Variants in P3H2 observed in about 807,000 individuals in gnomAD.
P3H2 encodes prolyl 3-hydroxylase 2.
In P3H2, 80 loss-of-function variants were observed where a neutral mutation model predicts 87.0. The observed-to-expected ratio is 0.92, with a 90% CI of 0.77 to 1.11. The LOEUF (loss-of-function observed/expected upper bound fraction) is 1.11. Among genes scored for constraint, P3H2 ranks in the 50% least tolerant of loss-of-function variants. The pLI, the probability that P3H2 is intolerant of heterozygous loss-of-function variation, is 0.00. For missense variants in P3H2, 1,001 were observed against 923.9 expected (o/e 1.08, Z -1.08); for synonymous variants, 367 against 359.3 (o/e 1.02, Z -0.24).
At chr3:190,106,574 C>G (rs1711846606) in intron 1 of P3H2, among the ~76,000 whole-genome samples, 1 of 151,798 alleles carries the variant, frequency 6.6e-6, no homozygotes. Context: ...TCACAAGTAC[C>G]TTGTAAAATA....
At chr3:189,977,943 T>A (rs1331674054) in intron 8 of P3H2, among the ~76,000 whole-genome samples, 1 of 152,154 alleles carries the variant, frequency 6.6e-6, no homozygotes, top group Non-Finnish European at 1.5e-5. Flanking sequence ...CTAAACGTCT[T>A]AGCATAGAAC....
chr3:190,091,959 G>T (rs1184357948), intron 1 of P3H2, among the ~76,000 whole-genome samples: 1 of 152,158 alleles, frequency 6.6e-6, no homozygotes, highest in Non-Finnish European at 1.5e-5. Context: ...CCAGCCATGC[G>T]CAGTGGCTCA....
chr3:190,096,948 A>G (rs1050983254), intron 1 of P3H2, among the ~76,000 whole-genome samples: 3 of 152,240 alleles, frequency 2.0e-5, no homozygotes, highest in African/African-American at 4.8e-5. Context: ...TTGTGTCTAC[A>G]AAGAACTTCA....
Position 189,973,893 on chromosome 3 carries a change from GAAGTT to G in P3H2, c.1548+11_1548+15del. ...GACACTAAGGAACTCAAACCCAAAA[GAAGTT>G]AAGACTTTACTTTGAGTGCTTTCAG... On this transcript the variant is annotated intron_variant, in intron 10 of 14. Transcript: ENST00000319332. 6.3e-7 allele frequency: 1 copy of G among 1,591,260 alleles called. No individual in the cohort carries two copies. The highest frequency in any genetic ancestry group is 1.1e-5 in the South Asian group (1 of 90,584).
At chr3:190,113,759 G>C (rs1712161412) in intron 1 of P3H2, among the ~76,000 whole-genome samples, 1 of 152,200 alleles carries the variant, frequency 6.6e-6, no homozygotes, top group Non-Finnish European at 1.5e-5. Context: ...TATGAAGAAA[G>C]GGAGGCAGCA....
At position 189,957,515 on chromosome 3, in the gene P3H2, C is replaced by G; in HGVS notation, c.*397G>C. 2.6e-6 allele frequency: 1 copy of G among 384,912 alleles called. No individual in the cohort carries two copies. The highest frequency in any genetic ancestry group is 4.6e-6 in the Non-Finnish European group (1 of 217,080). 23.8% of individuals were successfully genotyped at this position (384,912 alleles called of 1,614,324 possible). ...GAGGTGAACTGGGCTTTGATAGATA[C>G]ATGAAATGATGAAAAACCAAGAAAG... On this transcript the variant is annotated 3_prime_UTR_variant, in exon 15 of 15. Transcript: ENST00000319332.
chr3:189,997,374 G>T (rs1325252606), intron 1 of P3H2, among the ~76,000 whole-genome samples: 1 of 152,126 alleles, frequency 6.6e-6, no homozygotes, highest in African/African-American at 2.4e-5. Flanking sequence ...TTTCATGGTG[G>T]AATCTAAAAT....
In P3H2 at chr3:190,120,600, G is replaced by T. The variant is rs367659257; in HGVS notation, c.132C>A (p.Phe44Leu). 26 of 1,547,140 alleles carry T rather than the reference G, an allele frequency of 1.7e-5. No homozygotes were observed. In the East Asian group the frequency reaches 2.0e-4, roughly 12 times the overall value. ...LELEPGPLQP[F>L]DLLYASGAAA... ...CCGCGCCGCTGGCGTAGAGCAGGTC[G>T]AAGGGCTGCAGAGGCCCGGGCTCCA... The change falls in exon 1 of 15, where the codon TTC becomes TTA. Residue 44 changes from phenylalanine to leucine, a missense_variant. Phe to Leu is a conservative substitution (Grantham distance 22, BLOSUM62 0). Coordinates refer to ENST00000319332, the MANE Select transcript of P3H2 (RefSeq NM_018192.4).
chr3:190,057,790 T>C (rs969516106), intron 1 of P3H2, among the ~76,000 whole-genome samples: 1 of 151,518 alleles, frequency 6.6e-6, no homozygotes, highest in Non-Finnish European at 1.5e-5. Flanking sequence ...AACATGGGAG[T>C]GAAAGGAAAG....
In P3H2 at chr3:190,096,082, C is replaced by T. The variant is rs78812300; in HGVS notation, c.480+24170G>A. Reference sequence around the variant, plus strand: ...GATTAGGGAATGAAATACAACACTGCACATCAGCGTGTACACAGAGCACAA... The same window carrying T: ...GATTAGGGAATGAAATACAACACTGTACATCAGCGTGTACACAGAGCACAA... On this transcript the variant is annotated intron_variant, in intron 1 of 14. Transcript: ENST00000319332. Among the ~76,000 whole-genome samples the T allele has an allele frequency of 6.4e-3, 976 of 152,290 alleles. 23 individuals are homozygous for T. The East Asian group carries it at 0.071, about 11-fold the overall frequency.
Position 190,007,965 on chromosome 3 carries a change from C to CACACACATATATATATAT in P3H2, c.481-12524_481-12523insATATATATATATGTGTGT. Among the ~76,000 whole-genome samples, 25 of 94,336 alleles carry CACACACATATATATATAT rather than the reference C, an allele frequency of 2.7e-4. 2 individuals are homozygous for CACACACATATATATATAT. The highest frequency in any genetic ancestry group is 6.6e-4 in the African/African-American group (17 of 25,620). The allele number at this position is 94,336 out of a possible 152,430, so 61.9% of individuals were successfully genotyped here. A position where few individuals can be genotyped will look rare whatever the true frequency, so the allele number is the denominator to read the frequency against. On this transcript the variant is annotated intron_variant, in intron 1 of 14. Coordinates refer to ENST00000319332, the MANE Select transcript of P3H2 (RefSeq NM_018192.4). ...GCCTGAGACTCTATTTGTTGACACA[C>CACACACATATATATATAT]ATATATATATATATATATATAGTAA...
intron 1 of P3H2, among the ~76,000 whole-genome samples, chr3:190,119,701 A>C (rs1712456756): frequency 6.6e-6 from 1 of 152,220 alleles, no homozygotes; most frequent in Non-Finnish European, 1.5e-5. Flanking sequence ...CTTCTCTTTA[A>C]CCTTTGATCT....
At chr3:189,995,168 AT>A in intron 2 of P3H2, 121 bp downstream of exon 2, 1 of 920,640 alleles carries the variant, frequency 1.1e-6, no homozygotes, top group East Asian at 2.6e-5. Flanking sequence ...AAGTCCAAAA[AT>A]GTTACTAAAA....
intron 1 of P3H2, among the ~76,000 whole-genome samples, chr3:190,035,001 A>G (rs948516683): frequency 1.3e-5 from 2 of 151,738 alleles, no homozygotes; most frequent in Admixed American, 6.6e-5. Context: ...GGCATGTACC[A>G]CCACACCCGA....
At chr3:190,093,827 T>G (rs1230517845) in intron 1 of P3H2, among the ~76,000 whole-genome samples, 1 of 152,172 alleles carries the variant, frequency 6.6e-6, no homozygotes, top group Non-Finnish European at 1.5e-5. Context: ...TTAGAAAAAT[T>G]CACCACATTA....
chr3:189,998,912 C>T (rs1160631492), intron 1 of P3H2, among the ~76,000 whole-genome samples: 1 of 152,150 alleles, frequency 6.6e-6, no homozygotes, highest in Non-Finnish European at 1.5e-5. Context: ...AGATCCCTCA[C>T]TTGCACACTT....
At chr3:190,023,111 C>T (rs2108941889) in intron 1 of P3H2, among the ~76,000 whole-genome samples, 1 of 152,284 alleles carries the variant, frequency 6.6e-6, no homozygotes, top group South Asian at 2.1e-4. Context: ...CAGGTGTGAG[C>T]CACCACGCCC....
chr3:189,965,581 A>G (rs1450900173), intron 13 of P3H2, among the ~76,000 whole-genome samples: 2 of 152,258 alleles, frequency 1.3e-5, no homozygotes, highest in African/African-American at 2.4e-5. Context: ...TTCACGAGTT[A>G]GTCGTGTCCT....
At chr3:190,054,179 T>C (rs1726078211) in intron 1 of P3H2, among the ~76,000 whole-genome samples, 1 of 152,188 alleles carries the variant, frequency 6.6e-6, no homozygotes, top group Admixed American at 6.5e-5. Context: ...CCCCCACCTA[T>C]AGTTTATTTT....
Sources: allele counts gnomAD v4.1 joint callset (sites outside exome capture counted in the v4.1 genomes callset), GRCh38; gene constraint gnomAD v4.1.1; transcripts MANE v1.5; gene names NCBI Gene and HGNC (gene_info 2026-07-23, HGNC 2026-07-21).